CBFA2T2: variants seen among roughly 807,000 people sequenced by gnomAD.
CBFA2T2 encodes the protein CBFA2/RUNX1 partner transcriptional co-repressor 2.
A neutral mutation model predicts 62.2 loss-of-function variants in CBFA2T2; 11 were observed. The observed-to-expected ratio is 0.18, with a 90% CI of 0.11 to 0.29. The LOEUF is 0.29. CBFA2T2 is among the 10% of genes least tolerant of loss of function. The pLI is 1.00. For synonymous variants in CBFA2T2, 295 were observed against 287.5 expected (o/e 1.03, Z -0.27); for missense variants, 592 against 774.1 (o/e 0.76, Z 2.79).
intron 1 of CBFA2T2, among the ~76,000 whole-genome samples, chr20:33,565,800 G>T (rs1323903929): frequency 6.6e-6 from 1 of 152,168 alleles, no homozygotes; most frequent in Non-Finnish European, 1.5e-5. Context: ...TATTTTCATA[G>T]CGAGGGTCCT....
chr20:33,629,931 CG>C lies in CBFA2T2; in HGVS notation c.1228+20del. ...TCAGCAATGGTAAGGGGAGAGTCTACGGGAAACCCAAAATAAATGTCAGCCT... is the reference window on the plus strand; with the variant it reads ...TCAGCAATGGTAAGGGGAGAGTCTACGGAAACCCAAAATAAATGTCAGCCT... On this transcript the variant is annotated intron_variant, in intron 8 of 10. Transcript: ENST00000342704. 4 of 1,581,248 alleles carry C rather than the reference CG, an allele frequency of 2.5e-6. No homozygotes were observed. The highest frequency in any genetic ancestry group is 3.4e-6 in the Non-Finnish European group (4 of 1,166,986).
intron 1 of CBFA2T2, chr20:33,600,197 T>G (rs1052218853): frequency 2.2e-5 from 3 of 138,450 alleles, no homozygotes; most frequent in South Asian, 2.6e-4. Flanking sequence ...TTTTTTTTTT[T>G]TTTTTTTTTT....
At chr20:33,520,193 A>T (rs2011692219) in intron 1 of CBFA2T2, among the ~76,000 whole-genome samples, 1 of 152,094 alleles carries the variant, frequency 6.6e-6, no homozygotes, top group Non-Finnish European at 1.5e-5. Flanking sequence ...GGGAGGAAAA[A>T]CTATTTTGAT....
intron 1 of CBFA2T2, among the ~76,000 whole-genome samples, chr20:33,554,255 C>CTTTTTTTTTT (rs760696196): frequency 7.6e-6 from 1 of 131,980 alleles, no homozygotes; most frequent in Admixed American, 7.6e-5. Flanking sequence ...TTACTTTTTT[C>CTTTTTTTTTT]TTTTTTTTTT....
intron 10 of CBFA2T2, among the ~76,000 whole-genome samples, chr20:33,642,152 G>A (rs953174860): frequency 1.0e-4 from 15 of 147,782 alleles, no homozygotes; most frequent in Non-Finnish European, 2.2e-4. Context: ...GTGTGTGTGT[G>A]TGTGTGTGTG....
chr20:33,511,965 G>A (rs562986357), intron 1 of CBFA2T2, among the ~76,000 whole-genome samples: 6 of 152,284 alleles, frequency 3.9e-5, no homozygotes, highest in African/African-American at 1.2e-4. Context: ...ATCACTTGAG[G>A]TCAGGAGTTT....
intron 1 of CBFA2T2, among the ~76,000 whole-genome samples, chr20:33,521,197 T>C (rs2011721808): frequency 6.6e-6 from 1 of 152,212 alleles, no homozygotes; most frequent in South Asian, 2.1e-4. Flanking sequence ...CACTATCCAT[T>C]CATTTAGCAC....
In CBFA2T2 at chr20:33,644,582, C is replaced by T. The variant is rs1184672288; in HGVS notation, c.1724C>T (p.Ser575Leu). The T allele has an allele frequency of 5.0e-6, 8 of 1,613,106 alleles. No individual in the cohort carries two copies. The highest frequency in any genetic ancestry group is 5.9e-6 in the Non-Finnish European group (7 of 1,179,254). The change falls in exon 11 of 11, where the codon TCG becomes TTG. Residue 575 changes from serine to leucine, a missense_variant. Ser to Leu is a moderately radical substitution (Grantham distance 145). Around this residue, in one of 3 missense-constraint regions of CBFA2T2, gnomAD observed 85 missense variants for 99.0 expected, o/e 0.86. Transcript: ENST00000342704. ...CCCAGCCCAGCCCTCGACAAGACCTCGGCAACCACATCGCGTTCCTCAACA... is the reference window on the plus strand; with the variant it reads ...CCCAGCCCAGCCCTCGACAAGACCTTGGCAACCACATCGCGTTCCTCAACA... Reference protein sequence around the residue: ...SVPSPALDKTSATTSRSSTPA... With the variant: ...SVPSPALDKTLATTSRSSTPA...
chr20:33,500,522 C>T (rs2011261093), intron 1 of CBFA2T2, among the ~76,000 whole-genome samples: 1 of 151,948 alleles, frequency 6.6e-6, no homozygotes, highest in African/African-American at 2.4e-5. Flanking sequence ...CCAGCCTGAC[C>T]AACATGGAGA....
intron 1 of CBFA2T2, among the ~76,000 whole-genome samples, chr20:33,559,451 G>C (rs1157944023): frequency 6.6e-6 from 1 of 151,998 alleles, no homozygotes; most frequent in Non-Finnish European, 1.5e-5. Flanking sequence ...TGGGATTACA[G>C]GTGTGATCCA....
At chr20:33,580,250 A>G (rs1264017258) in intron 1 of CBFA2T2, among the ~76,000 whole-genome samples, 1 of 152,138 alleles carries the variant, frequency 6.6e-6, no homozygotes, top group Non-Finnish European at 1.5e-5. Flanking sequence ...TTGGTAGCCT[A>G]TTATTATCAA....
intron 1 of CBFA2T2, among the ~76,000 whole-genome samples, chr20:33,570,437 G>A (rs1261139381): frequency 6.6e-6 from 1 of 152,172 alleles, no homozygotes; most frequent in Non-Finnish European, 1.5e-5. Flanking sequence ...GTTTTTTTCA[G>A]AGCTTTTTAA....
intron 1 of CBFA2T2, among the ~76,000 whole-genome samples, chr20:33,540,377 A>C (rs2012381054): frequency 6.6e-6 from 1 of 152,200 alleles, no homozygotes; most frequent in South Asian, 2.1e-4. Flanking sequence ...ATATATGTAA[A>C]CCTGTAATAG....
At chr20:33,575,052 A>G (rs1019128264) in intron 1 of CBFA2T2, among the ~76,000 whole-genome samples, 4 of 152,196 alleles carry the variant, frequency 2.6e-5, no homozygotes, top group African/African-American at 9.7e-5. Flanking sequence ...TAGCAACTTC[A>G]TTTTCATTTT....
At chr20:33,599,250 ACT>A (rs1216090839) in intron 1 of CBFA2T2, among the ~76,000 whole-genome samples, 1 of 151,258 alleles carries the variant, frequency 6.6e-6, no homozygotes, top group African/African-American at 2.4e-5. Flanking sequence ...CGACAGTGAG[ACT>A]CTGTCTCAAG....
At chr20:33,609,299 G>A (rs911381020) in intron 2 of CBFA2T2, among the ~76,000 whole-genome samples, 1 of 152,054 alleles carries the variant, frequency 6.6e-6, no homozygotes, top group Non-Finnish European at 1.5e-5. Flanking sequence ...TCAGGAGTTC[G>A]AGACCAGCCT....
chr20:33,495,109 A>G (rs980380194), intron 1 of CBFA2T2, among the ~76,000 whole-genome samples: 1 of 151,960 alleles, frequency 6.6e-6, no homozygotes, highest in African/African-American at 2.4e-5. Flanking sequence ...TAGAAGTAAA[A>G]TGTAATGGCT....
chr20:33,586,381 G>A (rs930986207), intron 1 of CBFA2T2, among the ~76,000 whole-genome samples: 2 of 152,010 alleles, frequency 1.3e-5, no homozygotes, highest in Non-Finnish European at 2.9e-5. Context: ...TGATCCGCTC[G>A]CCTCAGCCTC....
chr20:33,570,688 C>G (rs1473403772), intron 1 of CBFA2T2, among the ~76,000 whole-genome samples: 1 of 152,164 alleles, frequency 6.6e-6, no homozygotes, highest in Non-Finnish European at 1.5e-5. Flanking sequence ...GGGTTTCCTT[C>G]TGTGGCCTTA....
Sources: allele counts gnomAD v4.1 joint callset (sites outside exome capture counted in the v4.1 genomes callset), GRCh38; gene constraint gnomAD v4.1.1; regional missense constraint gnomAD v4.1.1; transcripts MANE v1.5; gene names NCBI Gene and HGNC (gene_info 2026-07-23, HGNC 2026-07-21).